Variants in PLCE1 observed in about 807,000 individuals in gnomAD.
PLCE1 encodes the protein 1-phosphatidylinositol 4,5-bisphosphate phosphodiesterase epsilon-1.
In PLCE1, 119 loss-of-function variants were observed where a neutral mutation model predicts 242.8. That is an observed-to-expected ratio of 0.49 (90% CI 0.42 to 0.57). The LOEUF is 0.57. Among genes scored for constraint, PLCE1 ranks in the 20% least tolerant of loss-of-function variants. PLCE1 has a pLI of 0.00. For missense variants in PLCE1, 2,441 were observed against 2,788.8 expected, an observed-to-expected ratio of 0.88 and a Z score of 2.81; for synonymous variants, 945 against 1,017.4, an observed-to-expected ratio of 0.93 and a Z score of 1.35.
At chr10:94,103,896 G>T (rs1050390580) in intron 2 of PLCE1, among the ~76,000 whole-genome samples, 2 of 152,176 alleles carry the variant, frequency 1.3e-5, no homozygotes, top group Non-Finnish European at 2.9e-5. Context: ...CTCATTTCGG[G>T]TCTACCAACA....
At chr10:94,166,278 G>A (rs2047799015) in intron 3 of PLCE1, among the ~76,000 whole-genome samples, 2 of 152,096 alleles carry the variant, frequency 1.3e-5, no homozygotes, top group South Asian at 4.2e-4. Flanking sequence ...AAGAGTTTCT[G>A]TTGGATAATA....
intron 23 of PLCE1, among the ~76,000 whole-genome samples, chr10:94,295,046 G>T (rs576768726): frequency 4.2e-4 from 63 of 151,024 alleles, no homozygotes; most frequent in Non-Finnish European, 7.5e-4. Context: ...CTCCTGAGTA[G>T]CTGGGACTAC....
intron 4 of PLCE1, among the ~76,000 whole-genome samples, chr10:94,216,273 G>A (rs577725809): frequency 6.6e-6 from 1 of 152,244 alleles, no homozygotes; most frequent in East Asian, 1.9e-4. Flanking sequence ...GATCTCCTCG[G>A]TGAGGAGAGG....
At chr10:94,256,108 T>C (rs1589428690) in intron 11 of PLCE1, among the ~76,000 whole-genome samples, 1 of 151,582 alleles carries the variant, frequency 6.6e-6, no homozygotes, top group African/African-American at 2.4e-5. Flanking sequence ...GAGGATCACT[T>C]GAGCCCCCAG....
At chr10:94,079,464 G>A (rs930082394) in intron 2 of PLCE1, among the ~76,000 whole-genome samples, 3 of 152,108 alleles carry the variant, frequency 2.0e-5, no homozygotes, top group African/African-American at 7.2e-5. Flanking sequence ...TGGGGAGCGA[G>A]GGGAGGGATA....
chr10:94,138,496 C>T (rs1202713219), intron 3 of PLCE1: 11 of 455,794 alleles, frequency 2.4e-5, no homozygotes, highest in South Asian at 7.2e-5. Context: ...CAGATATGTC[C>T]GTAGTAATGG....
chr10:94,147,440 GAA>G (rs1008411357), intron 3 of PLCE1, among the ~76,000 whole-genome samples: 2 of 146,744 alleles, frequency 1.4e-5, no homozygotes, highest in Non-Finnish European at 3.0e-5. Flanking sequence ...GAAAGAGAGA[GAA>G]AGAGAGAGAG....
rs186742346 is a variant in PLCE1, at chr10:94,150,973, G to T, written c.1492+18514G>T. ...TGGCAGTCTGAGCTGTCCATGGTCA[G>T]CTGTGGGGGCCAACACCTCCTTCGT... On this transcript the variant is annotated intron_variant, in intron 3 of 32. Coordinates refer to ENST00000371380, the MANE Select transcript of PLCE1 (RefSeq NM_016341.4). Among the ~76,000 whole-genome samples, 4 of 152,304 alleles carry T rather than the reference G, an allele frequency of 2.6e-5. No homozygotes were observed. The East Asian group carries it at 7.7e-4, about 29-fold the overall frequency.
intron 4 of PLCE1, among the ~76,000 whole-genome samples, chr10:94,194,732 G>C (rs904500153): frequency 1.3e-5 from 2 of 152,110 alleles, no homozygotes; most frequent in African/African-American, 4.8e-5. Flanking sequence ...TAATATGTAG[G>C]GATGTTGCAA....
intron 4 of PLCE1, among the ~76,000 whole-genome samples, chr10:94,206,090 G>A (rs2049149699): frequency 6.6e-6 from 1 of 152,194 alleles, no homozygotes; most frequent in African/African-American, 2.4e-5. Context: ...GCAAGGCAGA[G>A]GGATGGGAAG....
intron 4 of PLCE1, among the ~76,000 whole-genome samples, chr10:94,219,483 T>C (rs1239121758): frequency 1.3e-5 from 2 of 152,222 alleles, no homozygotes; most frequent in African/African-American, 4.8e-5. Flanking sequence ...TTACAGTTTA[T>C]GATTCCAACA....
chr10:94,093,965 G>A (rs1487511567), intron 2 of PLCE1, among the ~76,000 whole-genome samples: 1 of 113,102 alleles, frequency 8.8e-6, no homozygotes, highest in Non-Finnish European at 1.7e-5. Flanking sequence ...TTTTTGAGAC[G>A]GAGTCTCGCT....
intron 16 of PLCE1, among the ~76,000 whole-genome samples, chr10:94,268,166 C>T (rs780331493): frequency 1.3e-5 from 2 of 152,156 alleles, no homozygotes; most frequent in Non-Finnish European, 2.9e-5. Context: ...CACTTCAGAT[C>T]CAGGATAACA....
At chr10:94,022,873 A>G (rs1041855641) in intron 1 of PLCE1, among the ~76,000 whole-genome samples, 1 of 152,180 alleles carries the variant, frequency 6.6e-6, no homozygotes, top group Non-Finnish European at 1.5e-5. Context: ...TCATATAGCC[A>G]TGGAAGGAAA....
intron 2 of PLCE1, among the ~76,000 whole-genome samples, chr10:94,068,655 A>G (rs975435187): frequency 6.6e-6 from 1 of 152,222 alleles, no homozygotes. Context: ...TATGCCTGGC[A>G]CTGAGAAGTT....
chr10:94,139,575 A>G (rs1167348906), intron 3 of PLCE1: 1 of 152,252 alleles, frequency 6.6e-6, no homozygotes, highest in Non-Finnish European at 1.5e-5. Context: ...CTATTTCTCT[A>G]GACTATTAGT....
At chr10:94,291,109 A>C (rs1396766963) in intron 22 of PLCE1, among the ~76,000 whole-genome samples, 1 of 152,326 alleles carries the variant, frequency 6.6e-6, no homozygotes, top group Non-Finnish European at 1.5e-5. Context: ...TTCTGAAGGA[A>C]GATACCATCA....
intron 2 of PLCE1, among the ~76,000 whole-genome samples, chr10:94,090,890 G>T (rs1181094067): frequency 6.6e-6 from 1 of 152,146 alleles, no homozygotes; most frequent in Non-Finnish European, 1.5e-5. Context: ...ATTTGAGAAG[G>T]TGTGAGAATA....
intron 4 of PLCE1, among the ~76,000 whole-genome samples, chr10:94,172,001 G>A (rs1024599604): frequency 2.0e-5 from 3 of 152,158 alleles, no homozygotes; most frequent in Admixed American, 6.5e-5. Context: ...AATCACCTCG[G>A]TTCTCTCTCT....
Sources: gnomAD v4.1 joint callset for allele counts (sites outside exome capture counted in the v4.1 genomes callset) on GRCh38, gnomAD v4.1.1 for gene constraint, MANE v1.5 for transcripts, NCBI Gene and HGNC (gene_info 2026-07-23, HGNC 2026-07-21) for gene names.